GALNT17: variants seen among roughly 807,000 people sequenced by gnomAD.
GALNT17 encodes the protein UDP-GalNAc:polypeptide N-acetylgalactosaminyltransferase-like 3.
A neutral mutation model predicts 63.7 loss-of-function variants in GALNT17; 29 were observed. That is an observed-to-expected ratio of 0.46 (90% CI 0.34 to 0.62). The LOEUF (loss-of-function observed/expected upper bound fraction) is 0.62, where lower values mean the gene tolerates loss of function less well. GALNT17 is among the 20% of genes least tolerant of loss of function. The pLI is 0.01. For missense variants in GALNT17, 603 were observed against 799.6 expected, an observed-to-expected ratio of 0.75 and a Z score of 2.97; for synonymous variants, 305 against 318.3, an observed-to-expected ratio of 0.96 and a Z score of 0.45.
At chr7:71,329,552 G>A (rs1456066290) in intron 1 of GALNT17, among the ~76,000 whole-genome samples, 2 of 151,970 alleles carry the variant, frequency 1.3e-5, no homozygotes, top group African/African-American at 4.8e-5. Context: ...CCTCACTTCC[G>A]CAGGCTGTAC....
intron 6 of GALNT17, among the ~76,000 whole-genome samples, chr7:71,627,187 A>C (rs1462337336): frequency 2.0e-5 from 3 of 152,332 alleles, no homozygotes; most frequent in Non-Finnish European, 2.9e-5. Context: ...GCTGAGTGCA[A>C]CGTGGTCTCC....
At chr7:71,673,787 T>G (rs1485941861) in intron 8 of GALNT17, among the ~76,000 whole-genome samples, 1 of 152,122 alleles carries the variant, frequency 6.6e-6, no homozygotes, top group East Asian at 1.9e-4. Flanking sequence ...GCTAATTTTG[T>G]GTTTTTGTTT....
At chr7:71,426,606 A>G (rs549264321) in intron 5 of GALNT17, among the ~76,000 whole-genome samples, 4 of 152,152 alleles carry the variant, frequency 2.6e-5, no homozygotes, top group Non-Finnish European at 5.9e-5. Flanking sequence ...CAGAAGGTGA[A>G]GTGGGAGCTG....
At chr7:71,300,437 T>C (rs1457167847) in intron 1 of GALNT17, 1 of 456,118 alleles carries the variant, frequency 2.2e-6, no homozygotes, top group Non-Finnish European at 4.4e-6. Context: ...ACAGCTGAAA[T>C]GGCTGATCTT....
At chr7:71,334,603 C>T (rs1172781886) in intron 1 of GALNT17, among the ~76,000 whole-genome samples, 1 of 152,124 alleles carries the variant, frequency 6.6e-6, no homozygotes, top group Non-Finnish European at 1.5e-5. Context: ...TAAAAATTGC[C>T]CATCAAGCTG....
chr7:71,525,145 A>C (rs1788602695), intron 5 of GALNT17, among the ~76,000 whole-genome samples: 1 of 152,042 alleles, frequency 6.6e-6, no homozygotes, highest in African/African-American at 2.4e-5. Context: ...CAATAGTTTT[A>C]GTTCTATTAC....
chr7:71,494,862 G>A (rs899100030), intron 5 of GALNT17, among the ~76,000 whole-genome samples: 14 of 152,268 alleles, frequency 9.2e-5, no homozygotes, highest in South Asian at 2.1e-4. Context: ...AAGCTTGTGC[G>A]GGGGAACTCC....
chr7:71,216,089 C>T (rs1206497942), intron 1 of GALNT17, among the ~76,000 whole-genome samples: 1 of 151,866 alleles, frequency 6.6e-6, no homozygotes, highest in Non-Finnish European at 1.5e-5. Context: ...TGGTAGTGCA[C>T]ACCTGTAGCC....
intron 1 of GALNT17, among the ~76,000 whole-genome samples, chr7:71,333,209 A>G (rs561871019): frequency 1.6e-4 from 24 of 152,260 alleles, no homozygotes; most frequent in African/African-American, 2.9e-4. Flanking sequence ...TTCAGGTTAT[A>G]CAGATTTACC....
intron 2 of GALNT17, among the ~76,000 whole-genome samples, chr7:71,337,076 T>C (rs538528667): frequency 5.8e-4 from 88 of 152,192 alleles, no homozygotes; most frequent in African/African-American, 2.0e-3. Flanking sequence ...TTTTCCTTTT[T>C]CTAAAAAAAA....
intron 3 of GALNT17, among the ~76,000 whole-genome samples, chr7:71,410,503 C>T (rs937522478): frequency 6.6e-5 from 10 of 152,196 alleles, no homozygotes; most frequent in Non-Finnish European, 1.5e-4. Context: ...ACCTTGGCCT[C>T]CCAAAGTGCT....
intron 6 of GALNT17, among the ~76,000 whole-genome samples, chr7:71,624,413 G>A (rs1237528797): frequency 1.3e-5 from 2 of 152,124 alleles, no homozygotes; most frequent in African/African-American, 4.8e-5. Context: ...TGGGGTTCTA[G>A]GTATAATTAA....
At chr7:71,271,586 A>C (rs998886477) in intron 1 of GALNT17, among the ~76,000 whole-genome samples, 2 of 152,236 alleles carry the variant, frequency 1.3e-5, no homozygotes, top group Non-Finnish European at 2.9e-5. Context: ...TTATTAAAGG[A>C]TAATTTACAG....
intron 5 of GALNT17, among the ~76,000 whole-genome samples, chr7:71,480,985 T>G (rs1487663210): frequency 6.6e-6 from 1 of 152,238 alleles, no homozygotes; most frequent in Non-Finnish European, 1.5e-5. Context: ...CACCAGCCTG[T>G]GACCATAATA....
At chr7:71,413,926 A>T (rs912592689) in intron 3 of GALNT17, among the ~76,000 whole-genome samples, 2 of 151,966 alleles carry the variant, frequency 1.3e-5, no homozygotes, top group African/African-American at 2.4e-5. Flanking sequence ...CTACTGCTAT[A>T]CAGTAGGCCC....
chr7:71,445,824 C>T (rs1436983763), intron 5 of GALNT17, among the ~76,000 whole-genome samples: 1 of 151,984 alleles, frequency 6.6e-6, no homozygotes, highest in African/African-American at 2.4e-5. Flanking sequence ...TCCTTAATGC[C>T]TCTGCACACT....
chr7:71,617,580 A>G (rs978207662), intron 6 of GALNT17, among the ~76,000 whole-genome samples: 9 of 151,792 alleles, frequency 5.9e-5, no homozygotes, highest in African/African-American at 2.2e-4. Flanking sequence ...TTGGCCTCCC[A>G]AAGTGCCGGG....
intron 5 of GALNT17, among the ~76,000 whole-genome samples, chr7:71,529,551 G>A (rs546874200): frequency 2.0e-5 from 3 of 152,204 alleles, no homozygotes; most frequent in Non-Finnish European, 1.5e-5. Context: ...CCATGGAAAC[G>A]ACCCACGTAG....
At chr7:71,414,839 C>T (rs1793495453) in intron 3 of GALNT17, among the ~76,000 whole-genome samples, 1 of 152,176 alleles carries the variant, frequency 6.6e-6, no homozygotes, top group Non-Finnish European at 1.5e-5. Flanking sequence ...ATTCCATGAC[C>T]TGTGGCCTTT....
Sources: gnomAD v4.1 joint callset for allele counts (sites outside exome capture counted in the v4.1 genomes callset) on GRCh38, gnomAD v4.1.1 for gene constraint, MANE v1.5 for transcripts, NCBI Gene and HGNC (gene_info 2026-07-23, HGNC 2026-07-21) for gene names.